The following TFB2M variants were observed in gnomAD, a reference collection of about 807,000 sequenced individuals.
The protein encoded by TFB2M is dimethyladenosine transferase 2, mitochondrial.
TFB2M carries 44 observed loss-of-function variants against 41.3 expected under a neutral mutation model. The ratio of observed to expected loss-of-function variants is 1.07; its 90% CI spans 0.84 to 1.37. TFB2M has a LOEUF of 1.37. Ranked by LOEUF, TFB2M falls within the 40% of genes most tolerant of loss-of-function variation. The probability of loss-of-function intolerance (pLI) is 0.00; values close to 1 mark genes in which losing one functional copy is unlikely to be tolerated. For missense variants in TFB2M, 496 were observed against 490.2 expected, an observed-to-expected ratio of 1.01 and a Z score of -0.11; for synonymous variants, 188 against 176.8, an observed-to-expected ratio of 1.06 and a Z score of -0.50.
At chr1:246,555,017 C>G (rs1659284082) in intron 4 of TFB2M, among the ~76,000 whole-genome samples, 1 of 152,046 alleles carries the variant, frequency 6.6e-6, no homozygotes, top group Non-Finnish European at 1.5e-5. Context: ...AACAAAATAA[C>G]CCATTAAAAA....
intron 1 of TFB2M, 51 bp from the exon 2 acceptor site, chr1:246,564,485 T>G (rs745933491): frequency 2.2e-5 from 34 of 1,515,702 alleles, no homozygotes; most frequent in African/African-American, 2.8e-5. Context: ...ACATAATCTC[T>G]TTCAATACCA....
At chr1:246,561,809 A>G (rs956809415) in intron 2 of TFB2M, among the ~76,000 whole-genome samples, 10 of 152,266 alleles carry the variant, frequency 6.6e-5, no homozygotes, top group African/African-American at 2.4e-4. Context: ...GTGTTACAGA[A>G]TAACAAACTT....
At chr1:246,552,141 GGT>G (rs1659201403) in intron 4 of TFB2M, among the ~76,000 whole-genome samples, 1 of 152,084 alleles carries the variant, frequency 6.6e-6, no homozygotes, top group South Asian at 2.1e-4. Context: ...TGGGTGCAGT[GGT>G]GTGCACATGT....
chr1:246,546,645 G>GA (rs35909822), intron 6 of TFB2M, among the ~76,000 whole-genome samples: 10,112 of 137,034 alleles, frequency 0.074, 1,130 homozygotes, highest in African/African-American at 0.25. Context: ...ATAAAAAAAG[G>GA]AAAAAAAAAA....
At chr1:246,557,103 G>T in intron 3 of TFB2M, among the ~76,000 whole-genome samples, 1 of 152,060 alleles carries the variant, frequency 6.6e-6, no homozygotes, top group African/African-American at 2.4e-5. Flanking sequence ...GTGAAACCCC[G>T]TCTCTACCAA....
intron 1 of TFB2M, among the ~76,000 whole-genome samples, chr1:246,565,276 T>C (rs1431332388): frequency 1.3e-5 from 2 of 152,238 alleles, no homozygotes; most frequent in Non-Finnish European, 1.5e-5. Context: ...GCAACTCTTT[T>C]GGGGAGATAA....
chr1:246,561,288 C>A (rs1025863734), intron 2 of TFB2M, among the ~76,000 whole-genome samples: 3 of 152,162 alleles, frequency 2.0e-5, no homozygotes, highest in Non-Finnish European at 2.9e-5. Flanking sequence ...AGAGAAAAAA[C>A]TAGTTCTAAT....
chr1:246,556,462 A>G (rs1659322815), intron 4 of TFB2M, 111 bp downstream of exon 4: 1 of 860,330 alleles, frequency 1.2e-6, no homozygotes, highest in South Asian at 2.7e-5. Flanking sequence ...TTTAAAAACA[A>G]TCTTAGACCC....
chr1:246,540,790 A>T lies in TFB2M; in HGVS notation c.*241T>A, dbSNP rs1016973458. 1 of 379,264 alleles carries T rather than the reference A, an allele frequency of 2.6e-6. No homozygotes were observed. The highest frequency in any genetic ancestry group is 6.6e-5 in the South Asian group (1 of 15,134). The allele number at this position is 379,264 out of a possible 1,614,324, so 23.5% of individuals were successfully genotyped here. On this transcript the variant is annotated 3_prime_UTR_variant, in exon 8 of 8. Coordinates refer to ENST00000366514, the MANE Select transcript of TFB2M (RefSeq NM_022366.3). ...TTAAATAGGAATCTGAAACAAAACG[A>T]ATTCAATCTGATCAAATCCACAATT...
intron 4 of TFB2M, among the ~76,000 whole-genome samples, chr1:246,553,065 C>CA (rs1442807278): frequency 4.0e-5 from 6 of 151,800 alleles, no homozygotes; most frequent in East Asian, 2.0e-4. Flanking sequence ...ACTAAAAATA[C>CA]AAAAAAAGTA....
At position 246,544,597 on chromosome 1, in the gene TFB2M, T is replaced by C. The variant is rs764886334; in HGVS notation, c.943A>G (p.Met315Val). The C allele has an allele frequency of 9.9e-6, 16 of 1,611,640 alleles. No individual in the cohort carries two copies. Among genetic ancestry groups the C allele is most frequent in the Admixed American group, 6.7e-5 (4 of 59,400 alleles). ...AAGTGAAAAAATATATTATAGTTCATAGGTGTTAAGTTCTTGGTAAATAAA... is the reference window on the plus strand; with the variant it reads ...AAGTGAAAAAATATATTATAGTTCACAGGTGTTAAGTTCTTGGTAAATAAA... ...QNLFTKNLTP[M>V]NYNIFFHLLK... Residue 315 changes from methionine to valine, a missense_variant, in exon 7 of 8, where the codon ATG becomes GTG. Met to Val is a conservative substitution (Grantham distance 21). Transcript: ENST00000366514.
rs148326306 is a variant in TFB2M, at chr1:246,552,671, C to T, written c.706-1369G>A. The stretch of plus-strand genomic sequence containing the variant: ...CTATGAACATACCACGACATTCAAG[C>T]CTGGGCAACAGAGCAAGACCCTGTC... On this transcript the variant is annotated intron_variant, in intron 4 of 7. Transcript: ENST00000366514. Among the ~76,000 whole-genome samples, 1,376 of 151,906 alleles carry T rather than the reference C, an allele frequency of 9.1e-3. 14 individuals carry two copies. Among genetic ancestry groups the T allele is most frequent in the Middle Eastern group, 0.024 (7 of 294 alleles).
chr1:246,556,141 T>A (rs1659315319), intron 4 of TFB2M, among the ~76,000 whole-genome samples: 2 of 152,264 alleles, frequency 1.3e-5, no homozygotes, highest in East Asian at 1.9e-4. Flanking sequence ...TGACACATGC[T>A]ATAACATTGA....
At chr1:246,551,993 T>C (rs1233516001) in intron 4 of TFB2M, among the ~76,000 whole-genome samples, 1 of 152,202 alleles carries the variant, frequency 6.6e-6, no homozygotes, top group Non-Finnish European at 1.5e-5. Flanking sequence ...CATCCCTTCA[T>C]TTTTTGCCCC....
In TFB2M at chr1:246,565,720, G is replaced by A; in HGVS notation, c.313+106C>T. 11 of 1,264,596 alleles carry A rather than the reference G, an allele frequency of 8.7e-6. No individual in the cohort carries two copies. In the South Asian group the frequency reaches 1.3e-4, roughly 15 times the overall value. 78.3% of individuals were successfully genotyped at this position (1,264,596 alleles called of 1,614,324 possible). ...AGCGAGACTCCGTCTCAAAGCAAAA[G>A]AACAACAAAAAAGACCCCCCAGTAT... is the stretch of plus-strand genomic sequence containing the variant. On this transcript the variant is annotated intron_variant, in intron 1 of 7. Transcript: ENST00000366514.
At chr1:246,564,877 A>T (rs767213311) in intron 1 of TFB2M, among the ~76,000 whole-genome samples, 6 of 152,114 alleles carry the variant, frequency 3.9e-5, no homozygotes, top group Non-Finnish European at 8.8e-5. Flanking sequence ...ACGGAGTTTC[A>T]CCATGTTGGC....
Position 246,557,444 on chromosome 1 carries a change from G to T in TFB2M, c.493C>A (p.Pro165Thr). ...AAGAGCCCTCGAGAAGACATAGCAGGTGGTTTTATTACTCCACCACTTCTA... is the reference window on the plus strand; with the variant it reads ...AAGAGCCCTCGAGAAGACATAGCAGTTGGTTTTATTACTCCACCACTTCTA... The part of the protein sequence containing the change: ...DPRSGGVIKP[P>T]AMSSRGLFKN... Residue 165 changes from proline (P) to threonine (T), a missense_variant, in exon 3 of 8, where the codon CCT becomes ACT. Coordinates refer to ENST00000366514, the MANE Select transcript of TFB2M (RefSeq NM_022366.3). The T allele has an allele frequency of 1.2e-6, 2 of 1,613,766 alleles. No homozygotes were observed. Among genetic ancestry groups the T allele is most frequent in the Non-Finnish European group, 1.7e-6 (2 of 1,179,908 alleles).
intron 1 of TFB2M, among the ~76,000 whole-genome samples, 189 bp from the exon 2 acceptor site, chr1:246,564,623 G>C (rs1228126274): frequency 2.6e-5 from 4 of 151,686 alleles, no homozygotes; most frequent in Admixed American, 1.3e-4. Context: ...TGACTCCAGC[G>C]TCAAAAGTGA....
Position 246,540,745 on chromosome 1 carries a change from C to A in TFB2M, c.*286G>T. The A allele has an allele frequency of 3.5e-6, 1 of 285,568 alleles. No homozygotes were observed. Among genetic ancestry groups the A allele is most frequent in the Non-Finnish European group, 6.5e-6 (1 of 152,808 alleles). 17.7% of individuals were successfully genotyped at this position (285,568 alleles called of 1,614,324 possible). ...CTCTTCAAGAAGATGCAAAAATCAG[C>A]AACAGTACAAGTGAAATATTTAAAT... On this transcript the variant is annotated 3_prime_UTR_variant, in exon 8 of 8. Coordinates refer to ENST00000366514, the MANE Select transcript of TFB2M (RefSeq NM_022366.3).
Sources: allele counts gnomAD v4.1 joint callset (sites outside exome capture counted in the v4.1 genomes callset), GRCh38; gene constraint gnomAD v4.1.1; transcripts MANE v1.5; gene names NCBI Gene and HGNC (gene_info 2026-07-23, HGNC 2026-07-21).